Variants in EXOC6B observed in about 807,000 individuals in gnomAD.
The protein encoded by EXOC6B is exocyst complex component 6B.
EXOC6B carries 54 observed loss-of-function variants against 113.5 expected under a neutral mutation model. That is an observed-to-expected ratio of 0.48 (90% CI 0.38 to 0.60). EXOC6B has a LOEUF of 0.60. Ranked by LOEUF, EXOC6B falls within the 20% of genes least tolerant of loss-of-function variation. The pLI is 0.00. For missense variants in EXOC6B, 797 were observed against 977.5 expected, an observed-to-expected ratio of 0.82 and a Z score of 2.46; for synonymous variants, 357 against 339.0, an observed-to-expected ratio of 1.05 and a Z score of -0.58.
chr2:72,519,484 T>C (rs1470318676), intron 8 of EXOC6B, among the ~76,000 whole-genome samples: 1 of 152,144 alleles, frequency 6.6e-6, no homozygotes, highest in African/African-American at 2.4e-5. Flanking sequence ...TATAGTGCTG[T>C]TCGCTATGAG....
intron 20 of EXOC6B, among the ~76,000 whole-genome samples, chr2:72,241,675 T>G (rs993336408): frequency 1.3e-5 from 2 of 152,106 alleles, no homozygotes; most frequent in African/African-American, 2.4e-5. Flanking sequence ...CATCTGACTT[T>G]TCTCAGAAAC....
intron 6 of EXOC6B, among the ~76,000 whole-genome samples, chr2:72,668,723 G>A (rs1242099446): frequency 6.6e-6 from 1 of 152,040 alleles, no homozygotes; most frequent in Admixed American, 6.6e-5. Flanking sequence ...CACTGGATAC[G>A]CACAGCCATA....
chr2:72,328,073 A>T (rs947351131), intron 20 of EXOC6B, among the ~76,000 whole-genome samples: 7 of 152,116 alleles, frequency 4.6e-5, no homozygotes, highest in African/African-American at 1.7e-4. Flanking sequence ...AACCATCCCC[A>T]GAAGCTGTTA....
chr2:72,264,618 C>G (rs753812773), intron 20 of EXOC6B, among the ~76,000 whole-genome samples: 3 of 151,724 alleles, frequency 2.0e-5, no homozygotes, highest in Non-Finnish European at 4.4e-5. Flanking sequence ...TGGTTTGGCT[C>G]TATGTCCCCA....
chr2:72,181,806 G>A (rs572106209), intron 21 of EXOC6B, among the ~76,000 whole-genome samples: 1 of 152,284 alleles, frequency 6.6e-6, no homozygotes, highest in South Asian at 2.1e-4. Flanking sequence ...CTGAGGGCTA[G>A]TGGTGGCCTG....
intron 6 of EXOC6B, among the ~76,000 whole-genome samples, chr2:72,670,547 A>G (rs546035038): frequency 6.6e-6 from 1 of 152,166 alleles, no homozygotes; most frequent in South Asian, 2.1e-4. Flanking sequence ...GATAAGTTTG[A>G]TCATGCCCCT....
At chr2:72,514,947 A>C in intron 9 of EXOC6B, 96 bp downstream of exon 9, 1 of 1,049,190 alleles carries the variant, frequency 9.5e-7, no homozygotes, top group Non-Finnish European at 1.3e-6. Flanking sequence ...GTAAACACAC[A>C]CACACAGACA....
intron 20 of EXOC6B, among the ~76,000 whole-genome samples, chr2:72,212,759 C>G (rs1005977052): frequency 3.3e-5 from 5 of 152,156 alleles, no homozygotes; most frequent in Admixed American, 1.3e-4. Context: ...AACAAAAAAA[C>G]TTGAATACCA....
chr2:72,270,540 C>G (rs1338126295), intron 20 of EXOC6B, among the ~76,000 whole-genome samples: 2 of 152,054 alleles, frequency 1.3e-5, no homozygotes, highest in Non-Finnish European at 2.9e-5. Context: ...GTCCATCTAC[C>G]TACCCAACAC....
intron 11 of EXOC6B, among the ~76,000 whole-genome samples, chr2:72,512,637 T>C (rs937180045): frequency 6.6e-6 from 1 of 151,996 alleles, no homozygotes; most frequent in African/African-American, 2.4e-5. Context: ...GTGTTTATAA[T>C]ATTAACAGGC....
At chr2:72,543,179 G>C (rs1178311716) in intron 8 of EXOC6B, among the ~76,000 whole-genome samples, 3 of 151,978 alleles carry the variant, frequency 2.0e-5, no homozygotes, top group Non-Finnish European at 2.9e-5. Flanking sequence ...AGGAGGAAAA[G>C]AACAACCAGA....
At chr2:72,331,991 T>C (rs965380862) in intron 20 of EXOC6B, among the ~76,000 whole-genome samples, 2 of 152,108 alleles carry the variant, frequency 1.3e-5, no homozygotes, top group Non-Finnish European at 2.9e-5. Context: ...TTGAATACTT[T>C]AAAATTATTC....
chr2:72,396,591 T>A (rs1353182030), intron 18 of EXOC6B, among the ~76,000 whole-genome samples: 4 of 152,080 alleles, frequency 2.6e-5, no homozygotes, highest in Non-Finnish European at 5.9e-5. Context: ...TACTTAGGAC[T>A]CAGAATATGG....
At chr2:72,381,817 T>C (rs965622583) in intron 18 of EXOC6B, among the ~76,000 whole-genome samples, 3 of 152,224 alleles carry the variant, frequency 2.0e-5, no homozygotes, top group African/African-American at 7.2e-5. Flanking sequence ...AGCAGTTTTA[T>C]AAGTTTTTCT....
At chr2:72,658,286 TAAAAAAAAA>T (rs60572283) in intron 6 of EXOC6B, among the ~76,000 whole-genome samples, 2 of 58,726 alleles carry the variant, frequency 3.4e-5, no homozygotes, top group African/African-American at 7.4e-5. Flanking sequence ...TAAAAACTAG[TAAAAAAAAA>T]AAAAAAAAAA....
chr2:72,512,347 G>A (rs1366851413), intron 11 of EXOC6B, among the ~76,000 whole-genome samples: 227 of 8,274 alleles, frequency 0.027, 4 homozygotes, highest in African/African-American at 0.055. Context: ...AAGGAAGGAA[G>A]GAAGGAAGGA....
intron 17 of EXOC6B, among the ~76,000 whole-genome samples, chr2:72,471,067 G>A (rs1289775932): frequency 6.6e-6 from 1 of 152,092 alleles, no homozygotes; most frequent in South Asian, 2.1e-4. Flanking sequence ...GGTTGAACTA[G>A]TTTACAGTCC....
chr2:72,639,660 C>T (rs940333363), intron 6 of EXOC6B, among the ~76,000 whole-genome samples: 8 of 152,226 alleles, frequency 5.3e-5, no homozygotes, highest in African/African-American at 1.9e-4. Context: ...CTTACCAACA[C>T]AGTGGATTCC....
At chr2:72,406,834 G>C (rs1171883415) in intron 18 of EXOC6B, among the ~76,000 whole-genome samples, 1 of 151,996 alleles carries the variant, frequency 6.6e-6, no homozygotes, top group Non-Finnish European at 1.5e-5. Flanking sequence ...GCTAGCAGAA[G>C]GCAAGAAATA....
Sources: gnomAD v4.1 joint callset for allele counts (sites outside exome capture counted in the v4.1 genomes callset) on GRCh38, gnomAD v4.1.1 for gene constraint, MANE v1.5 for transcripts, NCBI Gene and HGNC (gene_info 2026-07-23, HGNC 2026-07-21) for gene names.